Variants in SPTBN1 observed in about 807,000 individuals in gnomAD.
SPTBN1 encodes spectrin beta chain, non-erythrocytic 1.
In SPTBN1, 32 loss-of-function variants were observed where a neutral mutation model predicts 266.4. The observed-to-expected ratio is 0.12, with a 90% CI of 0.09 to 0.16. SPTBN1 has a LOEUF of 0.16. Ranked by LOEUF, SPTBN1 falls within the 10% of genes least tolerant of loss-of-function variation. The pLI is 1.00. For synonymous variants in SPTBN1, 1,336 were observed against 1,162.2 expected, an observed-to-expected ratio of 1.15 and a Z score of -3.04; for missense variants, 2,296 against 3,067.1, an observed-to-expected ratio of 0.75 and a Z score of 5.94.
Position 54,558,163 on chromosome 2 carries a change from C to T in SPTBN1, c.148+31597C>T, listed in dbSNP as rs1673004120. 2.8e-5 allele frequency: 28 copies of T among 985,364 alleles called. No individual in the cohort carries two copies. Among genetic ancestry groups the T allele is most frequent in the Non-Finnish European group, 3.4e-5 (28 of 829,892 alleles). The allele number at this position is 985,364 out of a possible 1,614,324, so 61.0% of individuals were successfully genotyped here. ...TGGGAAGGCACTACCGCGGCGAGTC[C>T]AGGGCCCGGCCGGGGGTCGGCGGCT... is the stretch of plus-strand genomic sequence containing the variant. On this transcript the variant is annotated intron_variant, in intron 2 of 35. Transcript: ENST00000356805. The surrounding 1 kb of genome is among the most constrained non-coding windows in gnomAD (Gnocchi z 4.6).
At chr2:54,644,696 G>A in intron 20 of SPTBN1, 110 bp downstream of exon 20, 2 of 1,439,070 alleles carry the variant, frequency 1.4e-6, no homozygotes. Context: ...CCATGGGAAG[G>A]CATTTTTAAC....
At position 54,489,151 on chromosome 2, in the gene SPTBN1, T is replaced by TAAA. The variant is rs66488966; in HGVS notation, c.-48+32655_-48+32657dup. On this transcript the variant is annotated intron_variant, in intron 1 of 35. Coordinates refer to ENST00000356805, the MANE Select transcript of SPTBN1 (RefSeq NM_003128.3). ...GCCTAGGCAAAACCTGGTCTGTATTTAAAAAAAAAAAAAAAAAAAAAAAAC... is the reference window on the plus strand; with the variant it reads ...GCCTAGGCAAAACCTGGTCTGTATTTAAAAAAAAAAAAAAAAAAAAAAAAAAAC... Among the ~76,000 whole-genome samples, 40 of 116,106 alleles carry TAAA rather than the reference T, an allele frequency of 3.4e-4. 1 individual carries two copies. Among genetic ancestry groups the TAAA allele is most frequent in the African/African-American group, 1.3e-3 (37 of 28,506 alleles). 76.2% of individuals were successfully genotyped at this position (116,106 alleles called of 152,430 possible).
chr2:54,491,801 G>A (rs776867596), intron 1 of SPTBN1, among the ~76,000 whole-genome samples: 3 of 152,020 alleles, frequency 2.0e-5, no homozygotes, highest in Non-Finnish European at 4.4e-5. Context: ...AGGTCTCGCC[G>A]TGTTGCCCAG....
intron 4 of SPTBN1, among the ~76,000 whole-genome samples, chr2:54,614,155 T>C (rs1190769692): frequency 6.6e-6 from 1 of 152,212 alleles, no homozygotes; most frequent in Non-Finnish European, 1.5e-5. Flanking sequence ...TGCAGTGTTG[T>C]TGTCTTAAAT....
chr2:54,569,193 A>G (rs970195573), intron 2 of SPTBN1, among the ~76,000 whole-genome samples: 1 of 152,120 alleles, frequency 6.6e-6, no homozygotes, highest in African/African-American at 2.4e-5. Flanking sequence ...TGGGGGAGAT[A>G]AGGGAATTCA....
Position 54,667,607 on chromosome 2 carries a change from A to C in SPTBN1, c.6837A>C (p.Leu2279=), listed in dbSNP as rs751931606. Residue 2279 remains leucine (L), a synonymous_variant, in exon 35 of 36, where the codon CTA becomes CTC. Transcript: ENST00000356805. The part of the protein sequence containing the change: ...KKKKHVFKLR[L]NDGNEYLFQA... ...ACTTTCTTCCTTGAAATTACAGACT[A>C]AATGATGGCAATGAGTACCTCTTCC... 1 of 1,613,920 alleles carries C rather than the reference A, an allele frequency of 6.2e-7. No homozygotes were observed. The highest frequency in any genetic ancestry group is 1.1e-5 in the South Asian group (1 of 91,068).
At chr2:54,660,115 C>G in intron 32 of SPTBN1, 116 bp downstream of exon 32, 3 of 1,600,696 alleles carry the variant, frequency 1.9e-6, no homozygotes, top group Non-Finnish European at 1.7e-6. Flanking sequence ...AAGAATCACC[C>G]TTTCCAAATC....
At chr2:54,522,646 AAGAGAGAG>A (rs70944172) in intron 1 of SPTBN1, among the ~76,000 whole-genome samples, 4 of 56,854 alleles carry the variant, frequency 7.0e-5, no homozygotes, top group Non-Finnish European at 1.1e-4. Context: ...GAAAGAAAGA[AAGAGAGAG>A]AGAAAGAGAG....
Position 54,637,934 on chromosome 2 carries a change from G to A in SPTBN1, c.3858+131G>A. On this transcript the variant is annotated intron_variant, in intron 18 of 35. Transcript: ENST00000356805. The stretch of plus-strand genomic sequence containing the variant: ...ATCCATAGCACCCATTTGACTCGCA[G>A]GCAGGGATACGTGGCACTTCATCAG... 3 of 713,774 alleles carry A rather than the reference G, an allele frequency of 4.2e-6. No homozygotes were observed. The South Asian group carries it at 5.6e-5, about 13-fold the overall frequency. 44.2% of individuals were successfully genotyped at this position (713,774 alleles called of 1,614,324 possible).
At chr2:54,546,759 A>T (rs1672261135) in intron 2 of SPTBN1, 1 of 152,198 alleles carries the variant, frequency 6.6e-6, no homozygotes, top group African/African-American at 2.4e-5. Flanking sequence ...CCGAGTAAAT[A>T]TCTTTTTTCC....
rs766071037 is a variant in SPTBN1 at position 54,630,005 on chromosome 2, C to T, written c.2783C>T (p.Ala928Val). The change falls in exon 15 of 36, where the codon GCC (alanine) becomes GTC (valine). Residue 928 changes from alanine (A) to valine (V), a missense_variant. This residue lies in a region of SPTBN1 where 128 missense variants were observed against 176.5 expected (regional missense o/e 0.73). Coordinates refer to ENST00000356805, the MANE Select transcript of SPTBN1 (RefSeq NM_003128.3). The stretch of plus-strand genomic sequence containing the variant: ...CACCCAAGTGAGAAGGAAATCAAAG[C>T]CCAGCAGGACAAACTCAACACAAGG... ...SGHPSEKEIK[A>V]QQDKLNTRWS... 2 of 1,613,880 alleles carry T rather than the reference C, an allele frequency of 1.2e-6. No individual in the cohort carries two copies. Among genetic ancestry groups the T allele is most frequent in the African/African-American group, 2.7e-5 (2 of 74,934 alleles).
chr2:54,488,276 C>G (rs1668511119), intron 1 of SPTBN1, among the ~76,000 whole-genome samples: 1 of 152,036 alleles, frequency 6.6e-6, no homozygotes, highest in East Asian at 1.9e-4. Flanking sequence ...AAACTGAGGA[C>G]TAGGGCGGGA....
At chr2:54,638,318 T>C (rs966305134) in intron 18 of SPTBN1, among the ~76,000 whole-genome samples, 34 of 152,366 alleles carry the variant, frequency 2.2e-4, no homozygotes, top group Admixed American at 1.6e-3. Flanking sequence ...AATGTACATT[T>C]CAATGATATG....
rs1454530028 is a variant in SPTBN1 at position 54,669,142 on chromosome 2, C to T, written c.*573C>T. 1 of 152,808 alleles carries T rather than the reference C, an allele frequency of 6.5e-6. No homozygotes were observed. The highest frequency in any genetic ancestry group is 6.5e-5 in the Admixed American group (1 of 15,356). The allele number at this position is 152,808 out of a possible 1,614,324, so 9.5% of individuals were successfully genotyped here. The stretch of plus-strand genomic sequence containing the variant: ...TCTGGCATCACTTACTAACACACGA[C>T]ATGCGGCTTTTCTGCATCAACTGCT... On this transcript the variant is annotated 3_prime_UTR_variant, in exon 36 of 36. Transcript: ENST00000356805.
chr2:54,519,030 TC>T (rs34632228), intron 1 of SPTBN1, among the ~76,000 whole-genome samples: 22,075 of 152,132 alleles, frequency 0.15, 1,682 homozygotes, highest in Middle Eastern at 0.2. Flanking sequence ...AAATGTGACT[TC>T]CTTGAAAGCA....
At chr2:54,548,820 G>C (rs954283383) in intron 2 of SPTBN1, among the ~76,000 whole-genome samples, 1 of 152,188 alleles carries the variant, frequency 6.6e-6, no homozygotes, top group Non-Finnish European at 1.5e-5. Flanking sequence ...TCTTCTGACT[G>C]TGAAAGATTA....
chr2:54,659,806 A>G, intron 31 of SPTBN1, 130 bp from the exon 32 acceptor site: 1 of 1,448,510 alleles, frequency 6.9e-7, no homozygotes, highest in East Asian at 2.5e-5. Flanking sequence ...TCAGATTTAA[A>G]AAGAATTAAA....
rs528321923 is a variant in SPTBN1 at position 54,626,683 on chromosome 2, G to A, written c.1644+449G>A. Among the ~76,000 whole-genome samples the A allele has an allele frequency of 2.0e-5, 3 of 152,276 alleles. No individual in the cohort carries two copies. The highest frequency in any genetic ancestry group is 3.9e-4 in the East Asian group (2 of 5,186). On this transcript the variant is annotated intron_variant, in intron 12 of 35. Coordinates refer to ENST00000356805, the MANE Select transcript of SPTBN1 (RefSeq NM_003128.3). This position sits in a 1 kb window ranked among gnomAD's most constrained non-coding sequence, Gnocchi z 4.7. Reference sequence around the variant, plus strand: ...GAACCAGGCAGCCAGAGTTCTGATTGTGAGTGCCTGAGTTGCCTAATCCTC... The same window carrying A: ...GAACCAGGCAGCCAGAGTTCTGATTATGAGTGCCTGAGTTGCCTAATCCTC...
rs188646402 is a variant in SPTBN1 at position 54,560,526 on chromosome 2, A to T, written c.148+33960A>T. On this transcript the variant is annotated intron_variant, in intron 2 of 35. Coordinates refer to ENST00000356805, the MANE Select transcript of SPTBN1 (RefSeq NM_003128.3). ...GAGCCTACACACAGGAAATGTCTTA[A>T]CTGTCCTCTCTGGACAACGTAAAGT... 1.1e-3 allele frequency among the ~76,000 whole-genome samples: 173 copies of T among 152,268 alleles called. 2 individuals carry two copies. The highest frequency in any genetic ancestry group is 2.2e-3 in the Non-Finnish European group (148 of 68,006).
Sources: allele counts gnomAD v4.1 joint callset (sites outside exome capture counted in the v4.1 genomes callset), GRCh38; gene constraint gnomAD v4.1.1; regional missense constraint gnomAD v4.1.1; non-coding constraint Gnocchi (gnomAD v3.1); transcripts MANE v1.5; gene names NCBI Gene and HGNC (gene_info 2026-07-23, HGNC 2026-07-21).